PTPN13: variants seen among roughly 807,000 people sequenced by gnomAD.
The protein encoded by PTPN13 is protein tyrosine phosphatase non-receptor type 13, also known as tyrosine-protein phosphatase non-receptor type 13.
A neutral mutation model predicts 284.0 loss-of-function variants in PTPN13; 191 were observed. The observed-to-expected ratio is 0.67, with a 90% CI of 0.60 to 0.76. PTPN13 has a LOEUF of 0.76. PTPN13 is among the 30% of genes least tolerant of loss of function. The probability of loss-of-function intolerance (pLI) is 0.00; values close to 1 mark genes in which losing one functional copy is unlikely to be tolerated. For missense variants in PTPN13, 2,797 were observed against 2,939.9 expected, an observed-to-expected ratio of 0.95 and a Z score of 1.12; for synonymous variants, 986 against 1,022.3, an observed-to-expected ratio of 0.96 and a Z score of 0.68.
At chr4:86,604,821 G>T (rs1385672643) in intron 1 of PTPN13, among the ~76,000 whole-genome samples, 4 of 151,734 alleles carry the variant, frequency 2.6e-5, no homozygotes, top group African/African-American at 7.3e-5. Context: ...CGTATTTTGA[G>T]AAATATTGAA....
At chr4:86,655,257 G>C (rs1248692268) in intron 2 of PTPN13, among the ~76,000 whole-genome samples, 3 of 152,116 alleles carry the variant, frequency 2.0e-5, no homozygotes, top group Admixed American at 6.5e-5. Flanking sequence ...GGTTAATATT[G>C]TTATGTGTGA....
chr4:86,658,132 G>A (rs1726070846), intron 2 of PTPN13, among the ~76,000 whole-genome samples: 1 of 152,224 alleles, frequency 6.6e-6, no homozygotes, highest in South Asian at 2.1e-4. Context: ...TCTTCTCGCT[G>A]GAGTTGGGGA....
intron 9 of PTPN13, among the ~76,000 whole-genome samples, chr4:86,717,937 T>C (rs1282163438): frequency 3.3e-5 from 5 of 152,136 alleles, no homozygotes; most frequent in African/African-American, 1.2e-4. Flanking sequence ...ATTTAGGCTA[T>C]TTAGAGTTCA....
At chr4:86,609,886 G>C (rs1765110889) in intron 1 of PTPN13, among the ~76,000 whole-genome samples, 1 of 152,104 alleles carries the variant, frequency 6.6e-6, no homozygotes, top group Admixed American at 6.5e-5. Flanking sequence ...TTATCTTATA[G>C]AGCATTGGTG....
chr4:86,804,550 T>C (rs1359699008), intron 43 of PTPN13, among the ~76,000 whole-genome samples: 1 of 152,224 alleles, frequency 6.6e-6, no homozygotes, highest in Non-Finnish European at 1.5e-5. Flanking sequence ...ATGGAATGAT[T>C]TGTTCTTCAA....
At chr4:86,688,899 T>C in intron 4 of PTPN13, 106 bp from the exon 5 acceptor site, 2 of 775,322 alleles carry the variant, frequency 2.6e-6, no homozygotes, top group Non-Finnish European at 4.0e-6. Flanking sequence ...TCCAAGTATG[T>C]GAAGTGTGTT....
At chr4:86,647,999 A>T (rs1164169296) in intron 2 of PTPN13, among the ~76,000 whole-genome samples, 4 of 152,144 alleles carry the variant, frequency 2.6e-5, no homozygotes, top group Non-Finnish European at 5.9e-5. Flanking sequence ...GAATAAAAAA[A>T]ATTAATAAAA....
rs576153055 is a variant in PTPN13, at chr4:86,616,896, G to C, written c.-5-18356G>C. 4.1e-4 allele frequency among the ~76,000 whole-genome samples: 62 copies of C among 152,304 alleles called. No individual in the cohort carries two copies. In the Middle Eastern group the frequency reaches 0.02, roughly 50 times the overall value. ...ACAGGAGTGTTCTAGACAAATGCAA[G>C]GGCTTAATTAAGAGTCACCAAGACT... On this transcript the variant is annotated intron_variant, in intron 1 of 47. Coordinates refer to ENST00000411767, the MANE Select transcript of PTPN13 (RefSeq NM_080683.3).
At chr4:86,794,649 A>G (rs1019111493) in intron 40 of PTPN13, among the ~76,000 whole-genome samples, 2 of 152,214 alleles carry the variant, frequency 1.3e-5, no homozygotes, top group Non-Finnish European at 2.9e-5. Context: ...TTCAAACTAT[A>G]CTACAAGGCT....
intron 35 of PTPN13, among the ~76,000 whole-genome samples, chr4:86,780,196 C>A (rs763352761): frequency 2.0e-5 from 3 of 151,768 alleles, no homozygotes; most frequent in South Asian, 4.2e-4. Flanking sequence ...CTCAGGAGTT[C>A]GAGACCAGCC....
intron 9 of PTPN13, among the ~76,000 whole-genome samples, chr4:86,721,788 G>A (rs1733693452): frequency 7.0e-6 from 1 of 142,412 alleles, no homozygotes. Flanking sequence ...ACCCAGGATG[G>A]AGTGCAGTAA....
intron 2 of PTPN13, among the ~76,000 whole-genome samples, chr4:86,665,039 A>G (rs1340212939): frequency 6.6e-6 from 1 of 152,108 alleles, no homozygotes; most frequent in Admixed American, 6.5e-5. Flanking sequence ...ATAATAACCA[A>G]TTTGGTTTTA....
At chr4:86,613,258 T>A (rs1181052610) in intron 1 of PTPN13, among the ~76,000 whole-genome samples, 1 of 152,224 alleles carries the variant, frequency 6.6e-6, no homozygotes, top group East Asian at 1.9e-4. Context: ...AAATTCCAGA[T>A]TCCCATAAGG....
At chr4:86,670,890 A>G (rs1220149054) in intron 2 of PTPN13, among the ~76,000 whole-genome samples, 1 of 152,206 alleles carries the variant, frequency 6.6e-6, no homozygotes, top group Non-Finnish European at 1.5e-5. Flanking sequence ...ACCTAAGATT[A>G]TGAGCTGTGA....
Position 86,700,717 on chromosome 4 carries a change from C to G in PTPN13, c.635-524C>G, listed in dbSNP as rs564353371. Among the ~76,000 whole-genome samples, 5 of 152,276 alleles carry G rather than the reference C, an allele frequency of 3.3e-5. No homozygotes were observed. The South Asian group carries it at 1.0e-3, about 32-fold the overall frequency. ...GTCTAATTATAATAAAATCTTGATA[C>G]TTAAGAATTCGAAATGCTACAATCC... On this transcript the variant is annotated intron_variant, in intron 6 of 47. Coordinates refer to ENST00000411767, the MANE Select transcript of PTPN13 (RefSeq NM_080683.3).
intron 40 of PTPN13, among the ~76,000 whole-genome samples, chr4:86,793,413 TA>T (rs1187751816): frequency 6.6e-6 from 1 of 152,152 alleles, no homozygotes; most frequent in East Asian, 1.9e-4. Context: ...TGGGAGACTT[TA>T]ACACCCCACT....
chr4:86,716,310 G>A (rs1465911526), intron 7 of PTPN13, among the ~76,000 whole-genome samples: 1 of 152,136 alleles, frequency 6.6e-6, no homozygotes, highest in African/African-American at 2.4e-5. Context: ...GAAAGTGGTG[G>A]AACTGATTCA....
At chr4:86,698,017 A>G (rs1370649568) in intron 6 of PTPN13, among the ~76,000 whole-genome samples, 1 of 152,166 alleles carries the variant, frequency 6.6e-6, no homozygotes, top group Non-Finnish European at 1.5e-5. Context: ...AAGTATATTT[A>G]TTGTTTGCCA....
In PTPN13 at chr4:86,739,704, G is replaced by C. The variant is rs188360927; in HGVS notation, c.2305-1930G>C. On this transcript the variant is annotated intron_variant, in intron 15 of 47. Transcript: ENST00000411767. ...TTCTCCAAAGTCTTAATTCATTTCA[G>C]CATTAACCCAAAAGTCCACAGTCCA... Among the ~76,000 whole-genome samples, 330 of 152,184 alleles carry C rather than the reference G, an allele frequency of 2.2e-3. 2 individuals carry two copies. Among genetic ancestry groups the C allele is most frequent in the African/African-American group, 7.7e-3 (321 of 41,520 alleles).
Sources: allele counts gnomAD v4.1 joint callset (sites outside exome capture counted in the v4.1 genomes callset), GRCh38; gene constraint gnomAD v4.1.1; transcripts MANE v1.5; gene names NCBI Gene and HGNC (gene_info 2026-07-23, HGNC 2026-07-21).